Variants in FBXW7 observed in about 807,000 individuals in gnomAD.
FBXW7 encodes F-box and WD repeat domain containing 7.
In FBXW7, 11 loss-of-function variants were observed where a neutral mutation model predicts 86.3. The observed-to-expected ratio is 0.13, with a 90% confidence interval of 0.08 to 0.21. FBXW7 has a LOEUF of 0.21. Ranked by LOEUF, FBXW7 falls within the 10% of genes least tolerant of loss-of-function variation. FBXW7 has a pLI of 1.00. For synonymous variants in FBXW7, 313 were observed against 297.9 expected, an observed-to-expected ratio of 1.05 and a Z score of -0.52; for missense variants, 488 against 847.4, an observed-to-expected ratio of 0.58 and a Z score of 5.27.
chr4:152,486,153 T>C (rs1426239737), intron 2 of FBXW7, among the ~76,000 whole-genome samples: 1 of 152,114 alleles, frequency 6.6e-6, no homozygotes, highest in Non-Finnish European at 1.5e-5. Context: ...TATAGGGCAC[T>C]TACTATGAAT....
intron 2 of FBXW7, among the ~76,000 whole-genome samples, chr4:152,506,826 T>C (rs947304722): frequency 3.3e-5 from 5 of 152,218 alleles, no homozygotes; most frequent in Non-Finnish European, 1.5e-5. Flanking sequence ...AGTTCCAATG[T>C]GAGGCTGATA....
chr4:152,330,781 T>C lies in FBXW7; in HGVS notation c.1073A>G (p.Gln358Arg), dbSNP rs1729494953. The change falls in exon 9 of 14, where the codon CAG becomes CGG. Residue 358 changes from glutamine to arginine, a missense_variant. Physicochemically the swap from Gln to Arg is conservative, Grantham distance 43. This residue lies in a region of FBXW7 where 57 missense variants were observed against 62.8 expected (regional missense o/e 0.91). Transcript: ENST00000281708. ...HSPWKSAYIR[Q>R]HRIDTNWRRG... ...CCTCCAGTTAGTATCAATTCTGTGC[T>C]GTCTGATGTATGCACTTTTCCATGG... The C allele has an allele frequency of 3.1e-6, 5 of 1,612,646 alleles. No homozygotes were observed. The highest frequency in any genetic ancestry group is 4.2e-6 in the Non-Finnish European group (5 of 1,179,002).
chr4:152,442,936 C>T (rs1431522908), intron 2 of FBXW7, among the ~76,000 whole-genome samples: 1 of 152,140 alleles, frequency 6.6e-6, no homozygotes, highest in Non-Finnish European at 1.5e-5. Context: ...CTAATTAATA[C>T]ATTCTAGGTG....
intron 12 of FBXW7, chr4:152,325,417 C>T (rs539933965): frequency 2.0e-5 from 3 of 152,242 alleles, no homozygotes; most frequent in East Asian, 1.9e-4. Flanking sequence ...ATATTCTAAA[C>T]TTCCTATTCA....
chr4:152,372,819 A>G (rs1298350814), intron 4 of FBXW7, among the ~76,000 whole-genome samples: 1 of 152,046 alleles, frequency 6.6e-6, no homozygotes, highest in African/African-American at 2.4e-5. Flanking sequence ...GTTACATAAA[A>G]GACAAAATCA....
chr4:152,401,881 G>A (rs546460588), intron 4 of FBXW7, among the ~76,000 whole-genome samples: 9 of 152,254 alleles, frequency 5.9e-5, no homozygotes, highest in African/African-American at 2.2e-4. Context: ...GCTAATGCAG[G>A]AAGTCTCCAA....
At chr4:152,444,203 T>C (rs1006222386) in intron 2 of FBXW7, among the ~76,000 whole-genome samples, 1 of 152,210 alleles carries the variant, frequency 6.6e-6, no homozygotes, top group Admixed American at 6.5e-5. Flanking sequence ...TGTACATATA[T>C]GTATGACCAT....
At chr4:152,463,222 G>T (rs975329940) in intron 2 of FBXW7, among the ~76,000 whole-genome samples, 2 of 151,946 alleles carry the variant, frequency 1.3e-5, no homozygotes, top group African/African-American at 4.8e-5. Context: ...AGGAGGCAGA[G>T]GTTGCAGTGA....
intron 2 of FBXW7, among the ~76,000 whole-genome samples, chr4:152,519,319 T>G (rs59367428): frequency 0.48 from 71,877 of 149,426 alleles, 18,566 homozygotes; most frequent in African/African-American, 0.69. Context: ...AATAAATAAA[T>G]AAAGAAAGAA....
chr4:152,442,763 T>A (rs1471159737), intron 2 of FBXW7, among the ~76,000 whole-genome samples: 1 of 152,210 alleles, frequency 6.6e-6, no homozygotes, highest in Non-Finnish European at 1.5e-5. Flanking sequence ...TTATGAACAC[T>A]TAAAAGTTTC....
chr4:152,339,301 G>T (rs1730475633), intron 6 of FBXW7, among the ~76,000 whole-genome samples: 1 of 152,088 alleles, frequency 6.6e-6, no homozygotes, highest in Admixed American at 6.5e-5. Context: ...ATTATACAAA[G>T]AAATGTAAAA....
chr4:152,518,520 CT>C (rs1276300396), intron 2 of FBXW7, among the ~76,000 whole-genome samples: 1 of 152,214 alleles, frequency 6.6e-6, no homozygotes, highest in Non-Finnish European at 1.5e-5. Flanking sequence ...TGGTCTCCAA[CT>C]CCCGGCCTAA....
At chr4:152,340,050 A>T (rs1380346340) in intron 6 of FBXW7, among the ~76,000 whole-genome samples, 1 of 152,180 alleles carries the variant, frequency 6.6e-6, no homozygotes, top group Non-Finnish European at 1.5e-5. Context: ...TTCAGACCTA[A>T]GCTAAATATT....
chr4:152,476,439 A>G (rs1280656804), intron 2 of FBXW7, among the ~76,000 whole-genome samples: 1 of 152,188 alleles, frequency 6.6e-6, no homozygotes, highest in Non-Finnish European at 1.5e-5. Flanking sequence ...TCCTAAGACA[A>G]TTCATAAGAG....
intron 2 of FBXW7, among the ~76,000 whole-genome samples, chr4:152,445,677 C>T (rs984751989): frequency 2.0e-5 from 3 of 151,934 alleles, no homozygotes; most frequent in African/African-American, 7.2e-5. Context: ...GGAGGCCAAG[C>T]GGGGCAGATC....
intron 2 of FBXW7, among the ~76,000 whole-genome samples, chr4:152,429,516 T>C (rs192359633): frequency 4.9e-4 from 75 of 152,228 alleles, no homozygotes; most frequent in Admixed American, 3.4e-3. Context: ...ATAGTCATAA[T>C]GGCATCACGT....
intron 4 of FBXW7, among the ~76,000 whole-genome samples, chr4:152,398,019 CTT>C (rs1736573200): frequency 6.6e-6 from 1 of 151,970 alleles, no homozygotes; most frequent in African/African-American, 2.4e-5. Context: ...AAGATACACT[CTT>C]TATCTCTTTT....
chr4:152,469,982 A>T (rs1387667603), intron 2 of FBXW7, among the ~76,000 whole-genome samples: 1 of 152,042 alleles, frequency 6.6e-6, no homozygotes, highest in African/African-American at 2.4e-5. Context: ...CTGGTGGTTG[A>T]GATTCCCTAT....
At chr4:152,454,087 T>A (rs1339076396) in intron 2 of FBXW7, among the ~76,000 whole-genome samples, 4 of 152,140 alleles carry the variant, frequency 2.6e-5, no homozygotes, top group African/African-American at 9.7e-5. Context: ...AATAAGTATA[T>A]TTCCACGATA....
Sources: allele counts gnomAD v4.1 joint callset (sites outside exome capture counted in the v4.1 genomes callset), GRCh38; gene constraint gnomAD v4.1.1; regional missense constraint gnomAD v4.1.1; transcripts MANE v1.5; gene names NCBI Gene and HGNC (gene_info 2026-07-23, HGNC 2026-07-21).